PHACTR1: variants seen among roughly 807,000 people sequenced by gnomAD.
The protein encoded by PHACTR1 is RPEL repeat containing 1.
Under a neutral mutation model 69.2 loss-of-function variants are expected in PHACTR1, and 16 were observed. That is an observed-to-expected ratio of 0.23 (90% CI 0.16 to 0.35). PHACTR1 has a LOEUF of 0.35. Among genes scored for constraint, PHACTR1 ranks in the 10% least tolerant of loss-of-function variants. The pLI is 1.00. For synonymous variants in PHACTR1, 312 were observed against 284.5 expected (o/e 1.10, Z -0.97); for missense variants, 510 against 734.7 (o/e 0.69, Z 3.54).
chr6:13,055,376 A>G (rs1806612850), intron 5 of PHACTR1, among the ~76,000 whole-genome samples: 1 of 152,182 alleles, frequency 6.6e-6, no homozygotes, highest in South Asian at 2.1e-4. Context: ...AAAACTCCAA[A>G]TGTGTATCCT....
At chr6:13,022,207 A>G (rs1801074442) in intron 4 of PHACTR1, among the ~76,000 whole-genome samples, 1 of 152,266 alleles carries the variant, frequency 6.6e-6, no homozygotes, top group African/African-American at 2.4e-5. Flanking sequence ...CCGTCAATTC[A>G]TTGAAAAGTT....
intron 5 of PHACTR1, among the ~76,000 whole-genome samples, chr6:13,156,273 G>A (rs955533285): frequency 3.3e-5 from 5 of 152,128 alleles, no homozygotes; most frequent in Non-Finnish European, 7.4e-5. Flanking sequence ...TGGGCTCAGG[G>A]TTCTATACCA....
intron 4 of PHACTR1, among the ~76,000 whole-genome samples, chr6:12,933,183 T>A (rs1789056896): frequency 6.6e-6 from 1 of 151,932 alleles, no homozygotes; most frequent in African/African-American, 2.4e-5. Context: ...TTATCCCTTA[T>A]CCCCCTGTCT....
chr6:12,960,975 A>G (rs901587813), intron 4 of PHACTR1, among the ~76,000 whole-genome samples: 3 of 152,246 alleles, frequency 2.0e-5, no homozygotes, highest in Non-Finnish European at 2.9e-5. Flanking sequence ...AGACAGTAGC[A>G]TAATTACTCT....
intron 4 of PHACTR1, among the ~76,000 whole-genome samples, chr6:12,960,404 C>T (rs998408908): frequency 6.6e-6 from 1 of 152,192 alleles, no homozygotes; most frequent in Admixed American, 6.5e-5. Flanking sequence ...TGTGCTCCTA[C>T]AAATATTTTG....
chr6:13,120,956 C>G (rs926996314), intron 5 of PHACTR1, among the ~76,000 whole-genome samples: 1 of 152,186 alleles, frequency 6.6e-6, no homozygotes, highest in African/African-American at 2.4e-5. Context: ...TGACAAAGAA[C>G]AAGCCTGGCA....
Position 13,119,743 on chromosome 6 carries a change from G to A in PHACTR1, c.416-40461G>A, listed in dbSNP as rs188394428. 1.3e-4 allele frequency among the ~76,000 whole-genome samples: 20 copies of A among 152,242 alleles called. No individual in the cohort carries two copies. The South Asian group carries it at 1.5e-3, about 11-fold the overall frequency. On this transcript the variant is annotated intron_variant, in intron 5 of 14. Transcript: ENST00000332995. ...CTTCTGCTAAAGCTTTAGCACCTGG[G>A]GTCTCAACAGCTCACCTTCAGCTCC...
intron 5 of PHACTR1, among the ~76,000 whole-genome samples, chr6:13,123,686 A>T (rs1432482271): frequency 6.6e-6 from 1 of 152,224 alleles, no homozygotes; most frequent in African/African-American, 2.4e-5. Flanking sequence ...CAATGTGCAT[A>T]ACCATTCTTC....
chr6:13,208,632 C>A lies in PHACTR1; in HGVS notation c.986+2496C>A, dbSNP rs972765010. On this transcript the variant is annotated intron_variant, in intron 8 of 14. Coordinates refer to ENST00000332995, the MANE Select transcript of PHACTR1 (RefSeq NM_030948.6). ...TAGCAGCCAACGTCATTGCTGCCCA[C>A]CCCCCCAACCCCATGTCTACATGCA... is the stretch of plus-strand genomic sequence containing the variant. Among the ~76,000 whole-genome samples, 3 of 137,816 alleles carry A rather than the reference C, an allele frequency of 2.2e-5. 1 individual carries two copies. The highest frequency in any genetic ancestry group is 4.7e-4 in the South Asian group (2 of 4,278). 90.4% of individuals were successfully genotyped at this position (137,816 alleles called of 152,430 possible). A position where few individuals can be genotyped will look rare whatever the true frequency, so the allele number is the denominator to read the frequency against.
intron 4 of PHACTR1, among the ~76,000 whole-genome samples, chr6:13,033,662 G>T (rs931833210): frequency 6.6e-6 from 1 of 152,208 alleles, no homozygotes; most frequent in Admixed American, 6.5e-5. Flanking sequence ...GATTCAATCT[G>T]TCAGAATTTT....
chr6:12,772,272 A>G (rs1214351761), intron 4 of PHACTR1, among the ~76,000 whole-genome samples: 1 of 152,258 alleles, frequency 6.6e-6, no homozygotes, highest in Non-Finnish European at 1.5e-5. Context: ...ATGCTAATTC[A>G]GGATATGCAG....
At chr6:12,797,278 A>C (rs757076369) in intron 4 of PHACTR1, among the ~76,000 whole-genome samples, 1 of 152,182 alleles carries the variant, frequency 6.6e-6, no homozygotes, top group Non-Finnish European at 1.5e-5. Context: ...AAAAGATTCT[A>C]TAACAAAGAT....
chr6:12,977,883 A>G (rs1161942720), intron 4 of PHACTR1, among the ~76,000 whole-genome samples: 3 of 152,202 alleles, frequency 2.0e-5, no homozygotes, highest in Non-Finnish European at 4.4e-5. Context: ...TTGAAATAAC[A>G]TTTCTTGGCT....
chr6:13,069,703 G>GTCA (rs1181428643), intron 5 of PHACTR1, among the ~76,000 whole-genome samples: 1 of 152,026 alleles, frequency 6.6e-6, no homozygotes, highest in African/African-American at 2.4e-5. Context: ...CTTCAACAAT[G>GTCA]TCATATCGGT....
chr6:13,088,121 G>T (rs529896000), intron 5 of PHACTR1, among the ~76,000 whole-genome samples: 3 of 152,014 alleles, frequency 2.0e-5, no homozygotes, highest in Admixed American at 2.0e-4. Context: ...CACAATTCCC[G>T]CACAGAGAGT....
At chr6:12,858,977 C>A (rs200836480) in intron 4 of PHACTR1, among the ~76,000 whole-genome samples, 2 of 152,288 alleles carry the variant, frequency 1.3e-5, no homozygotes, top group Non-Finnish European at 2.9e-5. Context: ...AGGGAGAAAA[C>A]TAAAGCTTGG....
In PHACTR1 at chr6:12,971,711, A is replaced by T. The variant is rs142157905; in HGVS notation, c.251-81654A>T. 2.0e-5 allele frequency among the ~76,000 whole-genome samples: 3 copies of T among 152,360 alleles called. No homozygotes were observed. In the East Asian group the frequency reaches 5.8e-4, roughly 29 times the overall value. On this transcript the variant is annotated intron_variant, in intron 4 of 14. Transcript: ENST00000332995. ...GTGATGGCAATTCTGCACTATGCATAATACAATTTTGCAAATATGCTAAAA... is the reference window on the plus strand; with the variant it reads ...GTGATGGCAATTCTGCACTATGCATTATACAATTTTGCAAATATGCTAAAA...
chr6:13,010,562 C>T (rs1022227759), intron 4 of PHACTR1, among the ~76,000 whole-genome samples: 5 of 152,152 alleles, frequency 3.3e-5, no homozygotes, highest in African/African-American at 7.2e-5. Flanking sequence ...CCAAATCACC[C>T]GGAGGTCTTG....
At chr6:13,189,962 C>T (rs1763297680) in intron 7 of PHACTR1, among the ~76,000 whole-genome samples, 2 of 151,386 alleles carry the variant, frequency 1.3e-5, no homozygotes, top group Non-Finnish European at 2.9e-5. Context: ...GTAGACAGCT[C>T]CCTTCTCTCT....
Sources: gnomAD v4.1 joint callset for allele counts (sites outside exome capture counted in the v4.1 genomes callset) on GRCh38, gnomAD v4.1.1 for gene constraint, MANE v1.5 for transcripts, NCBI Gene and HGNC (gene_info 2026-07-23, HGNC 2026-07-21) for gene names.